The following KCNQ1 variants were observed in gnomAD, a reference collection of about 807,000 sequenced individuals.
KCNQ1 encodes potassium voltage-gated channel subfamily Q member 1, also known as potassium voltage-gated channel subfamily KQT member 1.
KCNQ1 carries 49 observed loss-of-function variants against 72.4 expected under a neutral mutation model. That is an observed-to-expected ratio of 0.68 (90% confidence interval 0.54 to 0.86). The LOEUF (loss-of-function observed/expected upper bound fraction) is 0.86, where lower values mean the gene tolerates loss of function less well. KCNQ1 is among the 40% of genes least tolerant of loss of function. KCNQ1 has a pLI of 0.00. For synonymous variants in KCNQ1, 450 were observed against 412.6 expected (o/e 1.09, Z -1.10); for missense variants, 790 against 945.1 (o/e 0.84, Z 2.15).
At chr11:2,835,722 G>A (rs1372491503) in intron 15 of KCNQ1, among the ~76,000 whole-genome samples, 2 of 152,200 alleles carry the variant, frequency 1.3e-5, no homozygotes, top group Admixed American at 6.5e-5. Context: ...AGGGTACTGG[G>A]AGGGCCCTGG....
chr11:2,642,955 T>C lies in KCNQ1; in HGVS notation c.1394-19006T>C. 1 of 397,996 alleles carries C rather than the reference T, an allele frequency of 2.5e-6. No homozygotes were observed. The highest frequency in any genetic ancestry group is 2.1e-5 in the African/African-American group (1 of 48,738). The allele number at this position is 397,996 out of a possible 1,614,324, so 24.7% of individuals were successfully genotyped here. ...TCAGGAACATGTTAATTTCCATTTA[T>C]TTATACAGTTTTGAATGCTCCTCTT... On this transcript the variant is annotated intron_variant, in intron 10 of 15. Coordinates refer to ENST00000155840, the MANE Select transcript of KCNQ1 (RefSeq NM_000218.3). The surrounding 1 kb of genome is among the most constrained non-coding windows in gnomAD (Gnocchi z 4.3).
intron 10 of KCNQ1, chr11:2,616,762 T>C (rs1849071872): frequency 2.5e-6 from 1 of 397,956 alleles, no homozygotes; most frequent in African/African-American, 2.1e-5. Context: ...TTTTGTATGA[T>C]TTCTATATTT....
chr11:2,736,021 G>A (rs751901737), intron 11 of KCNQ1, among the ~76,000 whole-genome samples: 7 of 152,206 alleles, frequency 4.6e-5, no homozygotes, highest in African/African-American at 1.4e-4. Context: ...ACAGAGAAGC[G>A]AGGGGGCTCC....
rs1846558258 is a variant in KCNQ1, at chr11:2,769,645, G to C, written c.1590+726G>C. The stretch of plus-strand genomic sequence containing the variant: ...GTGGGGGGTACTGAGTCCTGGCTTG[G>C]AAATACATGTGTAGGTGTGGGAACC... On this transcript the variant is annotated intron_variant, in intron 12 of 15. Transcript: ENST00000155840. This position sits in a 1 kb window ranked among gnomAD's most constrained non-coding sequence, Gnocchi z 4.6. Among the ~76,000 whole-genome samples, 1 of 152,186 alleles carries C rather than the reference G, an allele frequency of 6.6e-6. No homozygotes were observed. The highest frequency in any genetic ancestry group is 2.4e-5 in the African/African-American group (1 of 41,444).
intron 5 of KCNQ1, 130 bp downstream of exon 5, chr11:2,572,239 A>G (rs1057272378): frequency 4.5e-5 from 30 of 668,670 alleles, no homozygotes; most frequent in African/African-American, 4.3e-4. Context: ...GCGCAGGGGT[A>G]CCTGAACGGG....
chr11:2,838,998 C>A (rs551401418), intron 15 of KCNQ1, among the ~76,000 whole-genome samples: 1 of 141,292 alleles, frequency 7.1e-6, no homozygotes, highest in Non-Finnish European at 1.5e-5. Context: ...GAGCCCTGCC[C>A]GGGGTTGCAC....
At position 2,538,531 on chromosome 11, in the gene KCNQ1, GGGA is replaced by G. The variant is rs1279263223; in HGVS notation, c.477+10520_477+10522del. Among the ~76,000 whole-genome samples, 1 of 152,194 alleles carries G rather than the reference GGGA, an allele frequency of 6.6e-6. No individual in the cohort carries two copies. The highest frequency in any genetic ancestry group is 1.9e-4 in the East Asian group (1 of 5,178). ...CGTTCCTGTCTGAAGGCAGCTGCTT[GGGA>G]GGAGGACAGCTGACATTCTTTCATG... On this transcript the variant is annotated intron_variant, in intron 2 of 15. Coordinates refer to ENST00000155840, the MANE Select transcript of KCNQ1 (RefSeq NM_000218.3). This position sits in a 1 kb window ranked among gnomAD's most constrained non-coding sequence, Gnocchi z 6.7.
At position 2,445,498 on chromosome 11, in the gene KCNQ1, C is replaced by T. The variant is rs370023636; in HGVS notation, c.386+14C>T. 4.1e-4 allele frequency: 647 copies of T among 1,588,494 alleles called. 1 individual carries two copies. The highest frequency in any genetic ancestry group is 5.2e-4 in the Non-Finnish European group (612 of 1,175,858). On this transcript the variant is annotated intron_variant, in intron 1 of 15. Transcript: ENST00000155840. The stretch of plus-strand genomic sequence containing the variant: ...CCACTTCGCCGTGTGAGTATCGCCA[C>T]CGGCGACGGCCGGCACGAAGGTGCT...
Position 2,704,866 on chromosome 11 carries a change from C to T in KCNQ1, c.1514+42785C>T, listed in dbSNP as rs7109371. 0.083 allele frequency among the ~76,000 whole-genome samples: 12,560 copies of T among 152,114 alleles called. 601 individuals are homozygous for T. Among genetic ancestry groups the T allele is most frequent in the South Asian group, 0.11 (541 of 4,820 alleles). ...ACCACGAGCGAGCCCAAGGGAAGGA[C>T]GGGTTTGGAGGGTTTCTGAAGATCT... On this transcript the variant is annotated intron_variant, in intron 11 of 15. Coordinates refer to ENST00000155840, the MANE Select transcript of KCNQ1 (RefSeq NM_000218.3). This position sits in a 1 kb window ranked among gnomAD's most constrained non-coding sequence, Gnocchi z 4.3.
chr11:2,527,147 G>A (rs1045530918), intron 1 of KCNQ1, among the ~76,000 whole-genome samples: 2 of 152,204 alleles, frequency 1.3e-5, no homozygotes, highest in African/African-American at 4.8e-5. Context: ...CAGAACGTTG[G>A]CCCCAGGGTG....
In KCNQ1 at chr11:2,668,667, T is replaced by C. The variant is rs1590020141; in HGVS notation, c.1514+6586T>C. 2.5e-6 allele frequency: 1 copy of C among 398,436 alleles called. No homozygotes were observed. Among genetic ancestry groups the C allele is most frequent in the African/African-American group, 2.1e-5 (1 of 48,598 alleles). 24.7% of individuals were successfully genotyped at this position (398,436 alleles called of 1,614,324 possible). A position where few individuals can be genotyped will look rare whatever the true frequency, so the allele number is the denominator to read the frequency against. ...CTATATATCTTTAGATATTCTGGAG[T>C]CATTTGTCAGAGAGAGAGATACACA... On this transcript the variant is annotated intron_variant, in intron 11 of 15. Transcript: ENST00000155840. This position sits in a 1 kb window ranked among gnomAD's most constrained non-coding sequence, Gnocchi z 4.3.
chr11:2,496,355 T>C (rs1846915648), intron 1 of KCNQ1, among the ~76,000 whole-genome samples: 1 of 151,864 alleles, frequency 6.6e-6, no homozygotes, highest in Non-Finnish European at 1.5e-5. Flanking sequence ...GAGAATGGCG[T>C]GAACCCGGGA....
At chr11:2,733,385 C>G (rs577551331) in intron 11 of KCNQ1, among the ~76,000 whole-genome samples, 11 of 152,180 alleles carry the variant, frequency 7.2e-5, no homozygotes, top group Non-Finnish European at 1.2e-4. Context: ...CCCACAAACC[C>G]TCAGTCTCCT....
In KCNQ1 at chr11:2,612,952, T is replaced by A; in HGVS notation, c.1393+24098T>A. 2 of 398,646 alleles carry A rather than the reference T, an allele frequency of 5.0e-6. No individual in the cohort carries two copies. The highest frequency in any genetic ancestry group is 8.8e-6 in the Non-Finnish European group (2 of 226,066). The allele number at this position is 398,646 out of a possible 1,614,324, so 24.7% of individuals were successfully genotyped here. On this transcript the variant is annotated intron_variant, in intron 10 of 15. Transcript: ENST00000155840. This position sits in a 1 kb window ranked among gnomAD's most constrained non-coding sequence, Gnocchi z 5.5. ...TTCTCTGCATGGATTCTGCAGAGTC[T>A]GTGTTCTCCTGCAGTGTGCAGCCAC...
intron 11 of KCNQ1, chr11:2,700,027 C>T: frequency 2.5e-6 from 1 of 398,220 alleles, no homozygotes; most frequent in Non-Finnish European, 4.4e-6. Context: ...CCGACTGCCC[C>T]CGCCGCTGCC....
At chr11:2,726,660 G>A (rs1192038014) in intron 11 of KCNQ1, among the ~76,000 whole-genome samples, 1 of 152,218 alleles carries the variant, frequency 6.6e-6, no homozygotes, top group Non-Finnish European at 1.5e-5. Context: ...GGGAGGAATA[G>A]TAGTTTATAT....
intron 2 of KCNQ1, among the ~76,000 whole-genome samples, chr11:2,560,540 C>T (rs866617234): frequency 5.2e-3 from 270 of 51,652 alleles, no homozygotes; most frequent in Middle Eastern, 0.017. Flanking sequence ...TCTGGGGGGG[C>T]GGGGGGGGGT....
rs1048964583 is a variant in KCNQ1, at chr11:2,486,502, G to C, written c.386+41018G>C. 1.3e-5 allele frequency among the ~76,000 whole-genome samples: 2 copies of C among 152,144 alleles called. No homozygotes were observed. The highest frequency in any genetic ancestry group is 4.8e-5 in the African/African-American group (2 of 41,422). On this transcript the variant is annotated intron_variant, in intron 1 of 15. Coordinates refer to ENST00000155840, the MANE Select transcript of KCNQ1 (RefSeq NM_000218.3). The surrounding 1 kb of genome is among the most constrained non-coding windows in gnomAD (Gnocchi z 5.0). ...TACAAAAATTTTTAATGTTCACGAA[G>C]TCCAAGTTGTCTACTTTTTGTTTTG...
At chr11:2,514,266 A>G (rs1423187036) in intron 1 of KCNQ1, among the ~76,000 whole-genome samples, 1 of 152,266 alleles carries the variant, frequency 6.6e-6, no homozygotes, top group East Asian at 1.9e-4. Flanking sequence ...TAGCCTGGTC[A>G]TAGAGCCCGG....
Sources: allele counts gnomAD v4.1 joint callset (sites outside exome capture counted in the v4.1 genomes callset), GRCh38; gene constraint gnomAD v4.1.1; non-coding constraint Gnocchi (gnomAD v3.1); transcripts MANE v1.5; gene names NCBI Gene and HGNC (gene_info 2026-07-23, HGNC 2026-07-21).